The following LAMA3 variants were observed in gnomAD, a reference collection of about 807,000 sequenced individuals.
LAMA3 encodes laminin subunit alpha 3, also known as laminin subunit alpha-3.
LAMA3 carries 281 observed loss-of-function variants against 402.0 expected under a neutral mutation model. The observed-to-expected ratio is 0.70, with a 90% CI of 0.63 to 0.77. The LOEUF is 0.77. LAMA3 is among the 30% of genes least tolerant of loss of function. The pLI is 0.00. For missense variants in LAMA3, 3,840 were observed against 4,215.5 expected (o/e 0.91, Z 2.47); for synonymous variants, 1,431 against 1,558.4 (o/e 0.92, Z 1.93).
chr18:23,817,488 A>G (rs2063198860), intron 18 of LAMA3, among the ~76,000 whole-genome samples: 1 of 152,154 alleles, frequency 6.6e-6, no homozygotes, highest in Admixed American at 6.5e-5. Context: ...CAGTTGGGAC[A>G]ATTGCTTGAG....
At chr18:23,706,578 A>G (rs2060893650) in intron 1 of LAMA3, among the ~76,000 whole-genome samples, 1 of 152,104 alleles carries the variant, frequency 6.6e-6, no homozygotes, top group South Asian at 2.1e-4. Context: ...TATTATGTTT[A>G]TTGTGTTTAT....
chr18:23,858,576 C>T, intron 33 of LAMA3, 113 bp from the exon 34 acceptor site: 2 of 972,032 alleles, frequency 2.1e-6, no homozygotes, highest in Non-Finnish European at 3.3e-6. Context: ...TAATGTTTTG[C>T]TCACATCCTC....
rs1163318511 is a variant in LAMA3 at position 23,918,084 on chromosome 18, G to A, written c.7923+1389G>A. Among the ~76,000 whole-genome samples the A allele has an allele frequency of 2.0e-5, 3 of 151,958 alleles. No homozygotes were observed. The highest frequency in any genetic ancestry group is 7.3e-5 in the African/African-American group (3 of 41,360). On this transcript the variant is annotated intron_variant, in intron 60 of 74. Transcript: ENST00000313654. The surrounding 1 kb of genome is among the most constrained non-coding windows in gnomAD (Gnocchi z 4.1). ...ATTTTTGCATATGGTGAAAGGAAGGGGTCCAGTTTCAGTCTTGTGCATATG... is the reference window on the plus strand; with the variant it reads ...ATTTTTGCATATGGTGAAAGGAAGGAGTCCAGTTTCAGTCTTGTGCATATG...
chr18:23,748,143 T>A, intron 3 of LAMA3, 83 bp downstream of exon 3: 1 of 958,684 alleles, frequency 1.0e-6, no homozygotes, highest in East Asian at 2.4e-5. Flanking sequence ...AGAAAATTAA[T>A]CTTGGCTGGG....
At chr18:23,776,075 T>C (rs1310882473) in intron 10 of LAMA3, 152 bp downstream of exon 10, 3 of 819,274 alleles carry the variant, frequency 3.7e-6, no homozygotes, top group Non-Finnish European at 6.2e-6. Flanking sequence ...TCTGAAAGTT[T>C]GGAATATAAA....
intron 62 of LAMA3, among the ~76,000 whole-genome samples, chr18:23,925,595 G>A (rs1265930521): frequency 6.6e-6 from 1 of 152,186 alleles, no homozygotes; most frequent in East Asian, 1.9e-4. Context: ...CATGGAGCTG[G>A]CTAAGCTTTT....
Position 23,689,590 on chromosome 18 carries a change from C to A in LAMA3, c.-94C>A, listed in dbSNP as rs923851338. 1 of 1,162,828 alleles carries A rather than the reference C, an allele frequency of 8.6e-7. No homozygotes were observed. The highest frequency in any genetic ancestry group is 3.4e-5 in the East Asian group (1 of 29,828). The allele number at this position is 1,162,828 out of a possible 1,614,324, so 72.0% of individuals were successfully genotyped here. A position where few individuals can be genotyped will look rare whatever the true frequency, so the allele number is the denominator to read the frequency against. ...GCCCATATCCCCGGCTGCGCTAGTC[C>A]TGGCGCTGCAGGTCCGGGAGGCGCA... is the stretch of plus-strand genomic sequence containing the variant. On this transcript the variant is annotated 5_prime_UTR_variant, in exon 1 of 75. It adds an upstream start codon to the 5' untranslated region. Transcript: ENST00000313654.
chr18:23,783,210 C>T (rs966517049), intron 11 of LAMA3, among the ~76,000 whole-genome samples: 16 of 152,102 alleles, frequency 1.1e-4, no homozygotes, highest in Admixed American at 9.2e-4. Flanking sequence ...AACGGCAAGG[C>T]CTGTAGTGAC....
intron 32 of LAMA3, among the ~76,000 whole-genome samples, chr18:23,852,869 A>C (rs1226133333): frequency 6.6e-6 from 1 of 151,930 alleles, no homozygotes; most frequent in Non-Finnish European, 1.5e-5. Context: ...TCTGTTCTCC[A>C]GTTGTGAAAG....
rs1299788323 is a variant in LAMA3, at chr18:23,745,110, C to T, written c.448-2833C>T. On this transcript the variant is annotated intron_variant, in intron 2 of 74. Transcript: ENST00000313654. Reference sequence around the variant, plus strand: ...AAATATCCATGTTCTTGGAAGATAACATGCTGAAGTATTTAGGAGGAAAGT... The same window carrying T: ...AAATATCCATGTTCTTGGAAGATAATATGCTGAAGTATTTAGGAGGAAAGT... 3.9e-5 allele frequency among the ~76,000 whole-genome samples: 6 copies of T among 152,078 alleles called. No homozygotes were observed. In the East Asian group the frequency reaches 7.7e-4, roughly 20 times the overall value.
chr18:23,769,290 A>G (rs1297693353), intron 8 of LAMA3, among the ~76,000 whole-genome samples: 1 of 152,172 alleles, frequency 6.6e-6, no homozygotes, highest in Non-Finnish European at 1.5e-5. Context: ...AATGTTTTAG[A>G]GGAGAGAATA....
At chr18:23,940,470 C>T (rs999742784) in intron 68 of LAMA3, among the ~76,000 whole-genome samples, 3 of 152,186 alleles carry the variant, frequency 2.0e-5, no homozygotes, top group African/African-American at 7.2e-5. Context: ...TGCCACATGC[C>T]GTTTAACTTC....
intron 2 of LAMA3, among the ~76,000 whole-genome samples, chr18:23,730,552 A>G (rs932103291): frequency 1.4e-4 from 21 of 151,788 alleles, no homozygotes; most frequent in African/African-American, 4.8e-4. Flanking sequence ...ATTTTTGTAG[A>G]GATGGAGTTT....
chr18:23,842,932 T>G (rs373621051), intron 29 of LAMA3, among the ~76,000 whole-genome samples, 182 bp downstream of exon 29: 5 of 152,302 alleles, frequency 3.3e-5, no homozygotes, highest in African/African-American at 9.6e-5. Flanking sequence ...CATGTGACAA[T>G]TAAAGTCAAG....
In LAMA3 at chr18:23,709,906, T is replaced by G. The variant is rs376917284; in HGVS notation, c.295-4014T>G. 2.0e-3 allele frequency: 1,456 copies of G among 722,824 alleles called. 26 individuals carry two copies. The highest frequency in any genetic ancestry group is 0.019 in the South Asian group (1,409 of 74,392). 44.8% of individuals were successfully genotyped at this position (722,824 alleles called of 1,614,324 possible). On this transcript the variant is annotated intron_variant, in intron 1 of 74. Transcript: ENST00000313654. ...TATGCCTTCTTCTCTCCATCAGGCCTAATCAGGGTGTTGACTTTGGCCACA... is the reference window on the plus strand; with the variant it reads ...TATGCCTTCTTCTCTCCATCAGGCCGAATCAGGGTGTTGACTTTGGCCACA...
intron 42 of LAMA3, 76 bp from the exon 43 acceptor site, chr18:23,894,222 T>C: frequency 8.1e-7 from 1 of 1,241,738 alleles, no homozygotes; most frequent in Non-Finnish European, 1.2e-6. Context: ...AACTAGCTTT[T>C]CTGAAAACCA....
At chr18:23,710,283 G>A in intron 1 of LAMA3, 1 of 525,418 alleles carries the variant, frequency 1.9e-6, no homozygotes, top group Non-Finnish European at 3.4e-6. Context: ...CGCCTTCGGC[G>A]CCATCTTGTG....
chr18:23,796,043 A>G (rs2144133602), intron 12 of LAMA3: 1 of 437,642 alleles, frequency 2.3e-6, no homozygotes, highest in South Asian at 1.7e-5. Context: ...AAAGGTGGCC[A>G]TCTACAAGCC....
At chr18:23,763,328 A>G (rs144223636) in intron 7 of LAMA3, 77 bp from the exon 8 acceptor site, 3 of 958,774 alleles carry the variant, frequency 3.1e-6, no homozygotes, top group African/African-American at 1.6e-5. Flanking sequence ...CTCAATTAGC[A>G]GTAATACTAT....
Sources: allele counts gnomAD v4.1 joint callset (sites outside exome capture counted in the v4.1 genomes callset), GRCh38; gene constraint gnomAD v4.1.1; non-coding constraint Gnocchi (gnomAD v3.1); transcripts MANE v1.5; gene names NCBI Gene and HGNC (gene_info 2026-07-23, HGNC 2026-07-21).